Variants in DCBLD2 observed in about 807,000 individuals in gnomAD.
DCBLD2 encodes the protein discoidin, CUB and LCCL domain containing 2.
In DCBLD2, 54 loss-of-function variants were observed where a neutral mutation model predicts 86.8. That is an observed-to-expected ratio of 0.62 (90% CI 0.50 to 0.78). DCBLD2 has a LOEUF of 0.78. Ranked by LOEUF, DCBLD2 falls within the 30% of genes least tolerant of loss-of-function variation. The pLI is 0.00. For missense variants in DCBLD2, 908 were observed against 954.2 expected (o/e 0.95, Z 0.64); for synonymous variants, 354 against 341.3 (o/e 1.04, Z -0.41).
At chr3:98,878,545 C>A (rs1002608151) in intron 2 of DCBLD2, among the ~76,000 whole-genome samples, 1 of 152,200 alleles carries the variant, frequency 6.6e-6, no homozygotes, top group Non-Finnish European at 1.5e-5. Context: ...CTGATGCCCA[C>A]AATGTATTTG....
At chr3:98,803,603 G>C (rs1941771150) in intron 13 of DCBLD2, among the ~76,000 whole-genome samples, 1 of 152,204 alleles carries the variant, frequency 6.6e-6, no homozygotes, top group Admixed American at 6.5e-5. Flanking sequence ...TGGTGAGAGA[G>C]GGCATCCCTG....
At chr3:98,852,674 A>G (rs1443293174) in intron 2 of DCBLD2, among the ~76,000 whole-genome samples, 1 of 152,212 alleles carries the variant, frequency 6.6e-6, no homozygotes, top group African/African-American at 2.4e-5. Context: ...TTAAAAGCAC[A>G]TTGTTTTCTC....
At chr3:98,826,273 C>G (rs1181280223) in intron 3 of DCBLD2, among the ~76,000 whole-genome samples, 1 of 152,190 alleles carries the variant, frequency 6.6e-6, no homozygotes, top group Non-Finnish European at 1.5e-5. Flanking sequence ...GAAGTGCTGG[C>G]CTTGTCTTAC....
At chr3:98,875,823 A>G (rs904725129) in intron 2 of DCBLD2, among the ~76,000 whole-genome samples, 4 of 151,590 alleles carry the variant, frequency 2.6e-5, no homozygotes, top group Admixed American at 2.0e-4. Flanking sequence ...TTTTAAATGC[A>G]TGGTGATGGG....
chr3:98,877,042 G>A (rs1014091530), intron 2 of DCBLD2, among the ~76,000 whole-genome samples: 1 of 152,182 alleles, frequency 6.6e-6, no homozygotes, highest in Non-Finnish European at 1.5e-5. Context: ...CAGGGAGTGA[G>A]TGGAGATGGG....
At chr3:98,899,354 C>T (rs1292945877) in intron 1 of DCBLD2, among the ~76,000 whole-genome samples, 1 of 150,382 alleles carries the variant, frequency 6.6e-6, no homozygotes, top group Non-Finnish European at 1.5e-5. Flanking sequence ...CGGGTTCAAG[C>T]GATTCCCCTG....
chr3:98,838,817 G>A (rs1270140831), intron 3 of DCBLD2, among the ~76,000 whole-genome samples: 3 of 152,154 alleles, frequency 2.0e-5, no homozygotes, highest in Non-Finnish European at 4.4e-5. Context: ...GGCTGAGGTT[G>A]GCGGATCACT....
At chr3:98,836,716 G>T (rs1942463235) in intron 3 of DCBLD2, among the ~76,000 whole-genome samples, 1 of 50,990 alleles carries the variant, frequency 2.0e-5, no homozygotes, top group Admixed American at 2.3e-4. Flanking sequence ...GGCTGGCCGG[G>T]CGGGGGGGCT....
chr3:98,861,023 G>T (rs568720865), intron 2 of DCBLD2, among the ~76,000 whole-genome samples: 241 of 152,336 alleles, frequency 1.6e-3, no homozygotes, highest in Middle Eastern at 6.8e-3. Flanking sequence ...TAAGGAGATG[G>T]AGGAAGATCT....
At chr3:98,859,467 G>A (rs1942998898) in intron 2 of DCBLD2, among the ~76,000 whole-genome samples, 1 of 152,148 alleles carries the variant, frequency 6.6e-6, no homozygotes, top group African/African-American at 2.4e-5. Flanking sequence ...TAACTGGGAG[G>A]CACCCCCCAG....
intron 3 of DCBLD2, among the ~76,000 whole-genome samples, chr3:98,845,509 T>C (rs2107479515): frequency 6.6e-6 from 1 of 152,354 alleles, no homozygotes; most frequent in East Asian, 1.9e-4. Flanking sequence ...CAATCATCTC[T>C]GCTTTGCCTC....
chr3:98,803,266 C>G (rs1468603226), intron 13 of DCBLD2, among the ~76,000 whole-genome samples: 2 of 152,142 alleles, frequency 1.3e-5, no homozygotes, highest in Non-Finnish European at 2.9e-5. Flanking sequence ...TCCTTCACAT[C>G]CCTTGTAAGT....
rs1943077510 is a variant in DCBLD2, at chr3:98,863,162, A to C, written c.434-13564T>G. ...TAAAATAACTAGGAATCCAACTTAC[A>C]AGGGATGTGAAGGACCTCTTCAAAG... is the stretch of plus-strand genomic sequence containing the variant. On this transcript the variant is annotated intron_variant, in intron 2 of 15. Coordinates refer to ENST00000326840, the MANE Select transcript of DCBLD2 (RefSeq NM_080927.4). Among the ~76,000 whole-genome samples the C allele has an allele frequency of 2.0e-5, 3 of 152,306 alleles. No homozygotes were observed. In the South Asian group the frequency reaches 6.2e-4, roughly 32 times the overall value.
At position 98,901,595 on chromosome 3, in the gene DCBLD2, C is replaced by T. The variant is rs1943854220; in HGVS notation, c.-269G>A. Reference sequence around the variant, plus strand: ...GGAGTCCTCGAGCCGCGGAGGACGGCCGCGGCGGAGCTAAGGAACGTGCCT... The same window carrying T: ...GGAGTCCTCGAGCCGCGGAGGACGGTCGCGGCGGAGCTAAGGAACGTGCCT... On this transcript the variant is annotated 5_prime_UTR_variant, in exon 1 of 16. Transcript: ENST00000326840. 3.5e-6 allele frequency: 1 copy of T among 289,674 alleles called. No individual in the cohort carries two copies. The highest frequency in any genetic ancestry group is 6.3e-6 in the Non-Finnish European group (1 of 157,820). The allele number at this position is 289,674 out of a possible 1,614,324, so 17.9% of individuals were successfully genotyped here. A position where few individuals can be genotyped will look rare whatever the true frequency, so the allele number is the denominator to read the frequency against.
intron 2 of DCBLD2, among the ~76,000 whole-genome samples, chr3:98,867,031 A>G (rs1489062567): frequency 6.6e-6 from 1 of 151,988 alleles, no homozygotes; most frequent in Non-Finnish European, 1.5e-5. Flanking sequence ...GTGTGGTATT[A>G]TTTCTGAGGG....
At chr3:98,885,752 T>C (rs16840260) in intron 1 of DCBLD2, among the ~76,000 whole-genome samples, 25,132 of 151,836 alleles carry the variant, frequency 0.17, 2,178 homozygotes, top group African/African-American at 0.22. Flanking sequence ...CAACCAATTA[T>C]GTAATACACT....
intron 2 of DCBLD2, among the ~76,000 whole-genome samples, chr3:98,852,195 T>C (rs1391797886): frequency 6.6e-6 from 1 of 152,174 alleles, no homozygotes; most frequent in Non-Finnish European, 1.5e-5. Flanking sequence ...CCAATGTGTG[T>C]TTACTTGTAA....
intron 2 of DCBLD2, among the ~76,000 whole-genome samples, chr3:98,850,015 G>A (rs549368171): frequency 6.6e-6 from 1 of 152,214 alleles, no homozygotes; most frequent in African/African-American, 2.4e-5. Flanking sequence ...CATCCCTCAA[G>A]CCTTTTTTTG....
chr3:98,878,472 G>C (rs1943407800), intron 2 of DCBLD2, among the ~76,000 whole-genome samples: 1 of 151,110 alleles, frequency 6.6e-6, no homozygotes, highest in Non-Finnish European at 1.5e-5. Context: ...TTTTCTAAAG[G>C]GGCACTGAGA....
Sources: allele counts gnomAD v4.1 joint callset (sites outside exome capture counted in the v4.1 genomes callset), GRCh38; gene constraint gnomAD v4.1.1; transcripts MANE v1.5; gene names NCBI Gene and HGNC (gene_info 2026-07-23, HGNC 2026-07-21).